Variants in CACNA1H observed in about 807,000 individuals in gnomAD.
CACNA1H encodes calcium voltage-gated channel subunit alpha1 H.
In CACNA1H, 149 loss-of-function variants were observed where a neutral mutation model predicts 192.5. The observed-to-expected ratio is 0.77, with a 90% CI of 0.68 to 0.89. The LOEUF (loss-of-function observed/expected upper bound fraction) is 0.89, where lower values mean the gene tolerates loss of function less well. CACNA1H is among the 40% of genes least tolerant of loss of function. CACNA1H has a pLI of 0.00. For synonymous variants in CACNA1H, 2,202 were observed against 1,475.2 expected (o/e 1.49, Z -11.29); for missense variants, 4,257 against 3,423.5 (o/e 1.24, Z -6.08).
At position 1,218,817 on chromosome 16, in the gene CACNA1H, G is replaced by A. The variant is rs1970244344; in HGVS notation, c.5888-153G>A. ...GAGGGAGGATGGAGGCCAGATTGAG[G>A]AGGCTGGGTGTGGGCAGGTGAGAGA... On this transcript the variant is annotated intron_variant, in intron 33 of 34. Coordinates refer to ENST00000348261, the MANE Select transcript of CACNA1H (RefSeq NM_021098.3). Among the ~76,000 whole-genome samples the A allele has an allele frequency of 1.3e-5, 2 of 151,296 alleles. 1 individual carries two copies. The highest frequency in any genetic ancestry group is 4.2e-4 in the South Asian group (2 of 4,770).
chr16:1,206,310 G>T, intron 12 of CACNA1H, 21 bp downstream of exon 12: 1 of 1,536,886 alleles, frequency 6.5e-7, no homozygotes, highest in Non-Finnish European at 8.8e-7. Flanking sequence ...CCCCCCTCCC[G>T]GCCCGCCCAG....
Position 1,167,226 on chromosome 16 carries a change from G to A in CACNA1H, c.299+13190G>A, listed in dbSNP as rs1468228556. Among the ~76,000 whole-genome samples the A allele has an allele frequency of 6.6e-6, 1 of 152,200 alleles. No individual in the cohort carries two copies. The highest frequency in any genetic ancestry group is 6.5e-5 in the Admixed American group (1 of 15,286). On this transcript the variant is annotated intron_variant, in intron 2 of 34. Transcript: ENST00000348261. This position sits in a 1 kb window ranked among gnomAD's most constrained non-coding sequence, Gnocchi z 4.2. Reference sequence around the variant, plus strand: ...GGGGATGAAACGGGCTCTTTGCGGGGGGCCTGTGGGGTATGGGCCTCCTGT... The same window carrying A: ...GGGGATGAAACGGGCTCTTTGCGGGAGGCCTGTGGGGTATGGGCCTCCTGT...
chr16:1,174,283 G>A (rs1964651187), intron 2 of CACNA1H, among the ~76,000 whole-genome samples: 1 of 152,192 alleles, frequency 6.6e-6, no homozygotes, highest in African/African-American at 2.4e-5. Context: ...CGGGCCAGCT[G>A]CCTTTCTCTC....
In CACNA1H at chr16:1,212,491, C is replaced by T. The variant is rs776682267; in HGVS notation, c.4760-20C>T. 2.5e-6 allele frequency: 4 copies of T among 1,610,078 alleles called. No individual in the cohort carries two copies. The highest frequency in any genetic ancestry group is 1.1e-5 in the South Asian group (1 of 90,498). On this transcript the variant is annotated intron_variant, in intron 25 of 34. Coordinates refer to ENST00000348261, the MANE Select transcript of CACNA1H (RefSeq NM_021098.3). The stretch of plus-strand genomic sequence containing the variant: ...GTGCGCCACGCCCTCGGCCCTCAGA[C>T]CATCTCCTTGTCTTTCCAGGCACTT...
intron 5 of CACNA1H, among the ~76,000 whole-genome samples, chr16:1,196,644 C>T (rs1253898190): frequency 6.6e-6 from 1 of 152,206 alleles, no homozygotes; most frequent in Non-Finnish European, 1.5e-5. Flanking sequence ...GGCTGGAAAT[C>T]CTTCAGGATT....
At chr16:1,159,343 C>T (rs575982914) in intron 2 of CACNA1H, among the ~76,000 whole-genome samples, 40 of 152,030 alleles carry the variant, frequency 2.6e-4, no homozygotes, top group Admixed American at 1.2e-3. Context: ...GGACTGAGAC[C>T]TGGATGGGGT....
intron 26 of CACNA1H, 51 bp downstream of exon 26, chr16:1,212,579 C>A: frequency 6.3e-7 from 1 of 1,579,872 alleles, no homozygotes; most frequent in Non-Finnish European, 8.6e-7. Flanking sequence ...GGCCGCTGCT[C>A]GGGGAAGGGC....
In CACNA1H at chr16:1,206,111, G is replaced by C. The variant is rs1425048792; in HGVS notation, c.2611G>C (p.Glu871Gln). ...DGIIVVISVW[E>Q]IVGQADGGLS... ...GCCCCCACCTGTCCGCAGCGTCTGG[G>C]AGATCGTGGGGCAGGCGGACGGTGG... The change falls in exon 12 of 35, where the codon GAG becomes CAG. Residue 871 changes from glutamate to glutamine, a missense_variant. Physicochemically the swap from Glu to Gln is conservative, Grantham distance 29. Coordinates refer to ENST00000348261, the MANE Select transcript of CACNA1H (RefSeq NM_021098.3). 1 of 1,579,674 alleles carries C rather than the reference G, an allele frequency of 6.3e-7. No individual in the cohort carries two copies. Among genetic ancestry groups the C allele is most frequent in the African/African-American group, 1.3e-5 (1 of 74,312 alleles).
chr16:1,213,936 G>A lies in CACNA1H; in HGVS notation c.4929+5G>A, dbSNP rs1054400971. ...GAGCACTATAACCAACCCAAGGTGG[G>A]TGCGAGGGGGCCGCGAGGGGCCCAG... On this transcript the variant is annotated splice_donor_5th_base_variant and intron_variant, in intron 27 of 34. Transcript: ENST00000348261. 11 of 1,608,562 alleles carry A rather than the reference G, an allele frequency of 6.8e-6. No homozygotes were observed. Among genetic ancestry groups the A allele is most frequent in the Admixed American group, 3.4e-5 (2 of 59,518 alleles).
intron 30 of CACNA1H, among the ~76,000 whole-genome samples, chr16:1,216,317 C>T (rs1970023973): frequency 6.6e-6 from 1 of 152,260 alleles, no homozygotes; most frequent in African/African-American, 2.4e-5. Flanking sequence ...TCCCGAGGGC[C>T]AGGTACCACT....
chr16:1,187,573 G>A (rs1966198253), intron 2 of CACNA1H, among the ~76,000 whole-genome samples: 1 of 152,234 alleles, frequency 6.6e-6, no homozygotes, highest in Non-Finnish European at 1.5e-5. Flanking sequence ...CAGCGGGTGG[G>A]GCAGGAACGG....
At chr16:1,195,778 C>G in intron 4 of CACNA1H, 148 bp from the exon 5 acceptor site, 2 of 857,964 alleles carry the variant, frequency 2.3e-6, no homozygotes, top group Non-Finnish European at 3.9e-6. Flanking sequence ...TGTGCTCCTG[C>G]TACCTCGGGG....
In CACNA1H at chr16:1,221,675, A is replaced by C; in HGVS notation, c.*681A>C. ...CTTTGTTTCGTGTGCTTTTAAATTC[A>C]GGTTAAATGTTGCAATAATCTGATG... On this transcript the variant is annotated 3_prime_UTR_variant, in exon 35 of 35. Transcript: ENST00000348261. 8.9e-7 allele frequency: 1 copy of C among 1,120,284 alleles called. No homozygotes were observed. The highest frequency in any genetic ancestry group is 1.2e-6 in the Non-Finnish European group (1 of 803,070). The allele number at this position is 1,120,284 out of a possible 1,614,324, so 69.4% of individuals were successfully genotyped here.
chr16:1,210,342 C>CCCCAAA, intron 18 of CACNA1H, 28 bp from the exon 19 acceptor site: 4 of 999,084 alleles, frequency 4.0e-6, no homozygotes, highest in Non-Finnish European at 4.5e-6. Flanking sequence ...CGCCCCGCCC[C>CCCCAAA]ACCTCTCACC....
chr16:1,189,976 G>A (rs1966455846), intron 2 of CACNA1H, among the ~76,000 whole-genome samples: 1 of 152,248 alleles, frequency 6.6e-6, no homozygotes, highest in Non-Finnish European at 1.5e-5. Context: ...CCACAACCTT[G>A]GTCTGTCAGA....
Position 1,221,228 on chromosome 16 carries a change from C to T in CACNA1H, c.*234C>T. On this transcript the variant is annotated 3_prime_UTR_variant, in exon 35 of 35. Transcript: ENST00000348261. ...GGGTTTCTCCGAGTTTTGCTACCAGCCGAGGCTGTGCGGGCAACTGGGTCA... is the reference window on the plus strand; with the variant it reads ...GGGTTTCTCCGAGTTTTGCTACCAGTCGAGGCTGTGCGGGCAACTGGGTCA... 2.0e-6 allele frequency: 1 copy of T among 506,970 alleles called. No individual in the cohort carries two copies. 31.4% of individuals were successfully genotyped at this position (506,970 alleles called of 1,614,324 possible).
intron 2 of CACNA1H, among the ~76,000 whole-genome samples, chr16:1,170,552 G>A (rs917319511): frequency 6.6e-6 from 1 of 152,226 alleles, no homozygotes; most frequent in African/African-American, 2.4e-5. Flanking sequence ...GTGGCCGTCA[G>A]CCTTGGGATT....
chr16:1,183,688 A>T (rs1054782621), intron 2 of CACNA1H, among the ~76,000 whole-genome samples: 2 of 152,218 alleles, frequency 1.3e-5, no homozygotes, highest in African/African-American at 4.8e-5. Context: ...CCCGTCCTGC[A>T]GGTTTGATGT....
intron 2 of CACNA1H, among the ~76,000 whole-genome samples, chr16:1,158,810 G>A (rs549896005): frequency 8.6e-5 from 13 of 151,838 alleles, no homozygotes; most frequent in East Asian, 3.9e-4. Flanking sequence ...CCCCGGCCCC[G>A]CAGGGCGCCA....
Sources: allele counts gnomAD v4.1 joint callset (sites outside exome capture counted in the v4.1 genomes callset), GRCh38; gene constraint gnomAD v4.1.1; non-coding constraint Gnocchi (gnomAD v3.1); transcripts MANE v1.5; gene names NCBI Gene and HGNC (gene_info 2026-07-23, HGNC 2026-07-21).